MOK: variants seen among roughly 807,000 people sequenced by gnomAD.
MOK encodes MOK protein kinase.
In MOK, 59 loss-of-function variants were observed where a neutral mutation model predicts 54.2. The observed-to-expected ratio is 1.09, with a 90% CI of 0.88 to 1.35. MOK has a LOEUF of 1.35. MOK is among the 40% of genes most tolerant of loss of function. MOK has a pLI of 0.00. For synonymous variants in MOK, 210 were observed against 202.7 expected (o/e 1.04, Z -0.31); for missense variants, 517 against 526.2 (o/e 0.98, Z 0.17).
Position 102,231,427 on chromosome 14 carries a change from C to A in MOK, c.981+280G>T. On this transcript the variant is annotated intron_variant, in intron 10 of 11. Transcript: ENST00000361847. This position sits in a 1 kb window ranked among gnomAD's most constrained non-coding sequence, Gnocchi z 4.4. The stretch of plus-strand genomic sequence containing the variant: ...CTGCATATGGTCATCAGGACAGACA[C>A]AAAAGTTCATGCAAACATCCCCTCT... 1 of 350,916 alleles carries A rather than the reference C, an allele frequency of 2.8e-6. No homozygotes were observed. Among genetic ancestry groups the A allele is most frequent in the African/African-American group, 2.1e-5 (1 of 48,076 alleles). 21.7% of individuals were successfully genotyped at this position (350,916 alleles called of 1,614,324 possible).
chr14:102,277,624 A>T (rs537350106), intron 2 of MOK, among the ~76,000 whole-genome samples: 3 of 152,220 alleles, frequency 2.0e-5, no homozygotes, highest in South Asian at 4.1e-4. Context: ...TCTCAAAAAA[A>T]AAAAAAAAGA....
Position 102,232,797 on chromosome 14 carries a change from G to T in MOK, c.693-89C>A. 8.0e-7 allele frequency: 1 copy of T among 1,243,916 alleles called. No individual in the cohort carries two copies. The highest frequency in any genetic ancestry group is 1.1e-6 in the Non-Finnish European group (1 of 879,522). 77.1% of individuals were successfully genotyped at this position (1,243,916 alleles called of 1,614,324 possible). ...GTCACAACTAAGGGCCCTGTGTGGT[G>T]GGGAATGGTTTATGACTGCAGAGTC... is the stretch of plus-strand genomic sequence containing the variant. On this transcript the variant is annotated intron_variant, in intron 8 of 11. Transcript: ENST00000361847. This position sits in a 1 kb window ranked among gnomAD's most constrained non-coding sequence, Gnocchi z 5.1.
chr14:102,279,437 A>T (rs959531969), intron 2 of MOK, among the ~76,000 whole-genome samples: 4 of 152,086 alleles, frequency 2.6e-5, no homozygotes, highest in Non-Finnish European at 4.4e-5. Context: ...AGTAGCTAGG[A>T]CTACAGGCAC....
chr14:102,270,444 A>T (rs1316019668), intron 2 of MOK, among the ~76,000 whole-genome samples: 3 of 152,144 alleles, frequency 2.0e-5, no homozygotes, highest in Non-Finnish European at 4.4e-5. Context: ...CACTAAAAAT[A>T]CAAAAATTAG....
At chr14:102,250,752 G>A (rs762683570) in intron 7 of MOK, 60 bp downstream of exon 7, 20 of 1,517,850 alleles carry the variant, frequency 1.3e-5, no homozygotes, top group African/African-American at 5.6e-5. Flanking sequence ...GAAGGAGCAC[G>A]AGCCTGGCTG....
At chr14:102,215,627 C>T in the MOK span, among the ~76,000 whole-genome samples, 2 of 152,156 alleles carry the variant, frequency 1.3e-5, no homozygotes, top group Non-Finnish European at 2.9e-5. Flanking sequence ...CCCTTGCCCC[C>T]AGGTAGGCTG....
At chr14:102,229,964 TC>T in intron 10 of MOK, 1 of 361,716 alleles carries the variant, frequency 2.8e-6, no homozygotes, top group Non-Finnish European at 5.0e-6. Flanking sequence ...AGCTCCAAGG[TC>T]TCACACCCTG....
chr14:102,277,039 GA>G (rs1169031153), intron 2 of MOK, among the ~76,000 whole-genome samples: 3 of 141,674 alleles, frequency 2.1e-5, no homozygotes, highest in Non-Finnish European at 4.6e-5. Flanking sequence ...TTTTGTAGAG[GA>G]AAAAAAAAGA....
In MOK at chr14:102,229,509, T is replaced by C. The variant is rs375311855; in HGVS notation, c.1130A>G (p.Asn377Ser). ...GGGTCTCAGCACCGGCACTCTTCCA[T>C]TTGTTCCAGATCCAAGCACGGACTG... ...TLQSVLGSGT[N>S]GRVPVLRPLK... The change falls in exon 11 of 12, where the codon AAT becomes AGT. Residue 377 changes from asparagine (N) to serine (S), a missense_variant. By Grantham distance (46) the Asn-to-Ser change is conservative. Coordinates refer to ENST00000361847, the MANE Select transcript of MOK (RefSeq NM_014226.3). 1.1e-5 allele frequency: 17 copies of C among 1,614,018 alleles called. No individual in the cohort carries two copies. The highest frequency in any genetic ancestry group is 1.4e-5 in the Non-Finnish European group (17 of 1,180,034).
At chr14:102,279,615 A>C (rs1438260687) in intron 2 of MOK, among the ~76,000 whole-genome samples, 1 of 151,808 alleles carries the variant, frequency 6.6e-6, no homozygotes, top group African/African-American at 2.4e-5. Context: ...AAGAGAGCCT[A>C]TTCTTAATTG....
At chr14:102,247,950 C>T (rs1350906079) in intron 7 of MOK, among the ~76,000 whole-genome samples, 1 of 152,222 alleles carries the variant, frequency 6.6e-6, no homozygotes, top group Admixed American at 6.5e-5. Flanking sequence ...GCCCTTGTCT[C>T]CTACGCCTTC....
rs1478863772 is a variant in MOK at position 102,230,830 on chromosome 14, A to T, written c.981+877T>A. 6.6e-6 allele frequency: 1 copy of T among 152,452 alleles called. No homozygotes were observed. Among genetic ancestry groups the T allele is most frequent in the African/African-American group, 2.4e-5 (1 of 41,448 alleles). 9.4% of individuals were successfully genotyped at this position (152,452 alleles called of 1,614,324 possible). A position where few individuals can be genotyped will look rare whatever the true frequency, so the allele number is the denominator to read the frequency against. On this transcript the variant is annotated intron_variant, in intron 10 of 11. Coordinates refer to ENST00000361847, the MANE Select transcript of MOK (RefSeq NM_014226.3). The surrounding 1 kb of genome is among the most constrained non-coding windows in gnomAD (Gnocchi z 4.1). ...CTCGGAGGGAAGGCCATGGGAAGCCACAGGGAAAAAGCACGTTTGGGGAAA... is the reference window on the plus strand; with the variant it reads ...CTCGGAGGGAAGGCCATGGGAAGCCTCAGGGAAAAAGCACGTTTGGGGAAA...
intron 1 of MOK, 66 bp downstream of exon 1, chr14:102,304,896 C>T: frequency 1.3e-6 from 2 of 1,522,056 alleles, no homozygotes; most frequent in Non-Finnish European, 9.0e-7. Context: ...TCCTCAAGCT[C>T]CCCCAGTCCC....
chr14:102,256,419 T>C (rs2066956904), intron 4 of MOK, among the ~76,000 whole-genome samples: 1 of 150,840 alleles, frequency 6.6e-6, no homozygotes, highest in Admixed American at 6.6e-5. Flanking sequence ...AAAAAAAAAT[T>C]AGCCAGGCTA....
At position 102,229,122 on chromosome 14, in the gene MOK, G is replaced by C. The variant is rs560692939; in HGVS notation, c.*167C>G. The C allele has an allele frequency of 3.1e-6, 2 of 644,660 alleles. No homozygotes were observed. Among genetic ancestry groups the C allele is most frequent in the African/African-American group, 1.8e-5 (1 of 54,412 alleles). 39.9% of individuals were successfully genotyped at this position (644,660 alleles called of 1,614,324 possible). On this transcript the variant is annotated 3_prime_UTR_variant, in exon 12 of 12. Transcript: ENST00000361847. Reference sequence around the variant, plus strand: ...CCCAGAACATCCTAGGCAGCTGCGCGGGCCGCGGGTGCGGCAGGGCGCAGG... The same window carrying C: ...CCCAGAACATCCTAGGCAGCTGCGCCGGCCGCGGGTGCGGCAGGGCGCAGG...
intron 1 of MOK, among the ~76,000 whole-genome samples, chr14:102,290,658 C>T (rs1442739566): frequency 1.3e-5 from 2 of 152,160 alleles, no homozygotes; most frequent in African/African-American, 4.8e-5. Context: ...TTACCACTTC[C>T]AGGAAAAACA....
chr14:102,266,641 G>T (rs1386696468), intron 2 of MOK, among the ~76,000 whole-genome samples: 1 of 152,120 alleles, frequency 6.6e-6, no homozygotes, highest in Non-Finnish European at 1.5e-5. Flanking sequence ...GGAGTGCAAT[G>T]GTGTGATCTT....
intron 7 of MOK, among the ~76,000 whole-genome samples, chr14:102,243,371 G>A (rs182699498): frequency 5.3e-5 from 8 of 152,222 alleles, no homozygotes; most frequent in Admixed American, 5.2e-4. Context: ...CAAAGTGCAG[G>A]GCTGTGCAGT....
At chr14:102,284,677 G>C (rs565349826) in intron 1 of MOK, among the ~76,000 whole-genome samples, 2 of 152,296 alleles carry the variant, frequency 1.3e-5, no homozygotes, top group South Asian at 2.1e-4. Flanking sequence ...TTGCGGCAGA[G>C]ATCACAGGAA....
Sources: gnomAD v4.1 joint callset for allele counts (sites outside exome capture counted in the v4.1 genomes callset) on GRCh38, gnomAD v4.1.1 for gene constraint, Gnocchi (gnomAD v3.1) non-coding constraint, MANE v1.5 for transcripts, NCBI Gene and HGNC (gene_info 2026-07-23, HGNC 2026-07-21) for gene names.